Variants in NPC1 observed in about 807,000 individuals in gnomAD.
The protein encoded by NPC1 is Niemann-Pick C1 protein.
A neutral mutation model predicts 140.4 loss-of-function variants in NPC1; 85 were observed. The ratio of observed to expected loss-of-function variants is 0.61; its 90% CI spans 0.51 to 0.72. NPC1 has a LOEUF of 0.72. Ranked by LOEUF, NPC1 falls within the 30% of genes least tolerant of loss-of-function variation. NPC1 has a pLI of 0.00. For synonymous variants in NPC1, 656 were observed against 624.8 expected (o/e 1.05, Z -0.74); for missense variants, 1,504 against 1,623.8 (o/e 0.93, Z 1.27).
chr18:23,526,913 A>G (rs902370385), downstream of NPC1: 2 of 1,046,568 alleles, frequency 1.9e-6, no homozygotes, highest in Non-Finnish European at 2.7e-6. Context: ...GTGACCCCCT[A>G]GGAAAGGCTG....
At chr18:23,576,210 G>A (rs1239093521) in intron 1 of NPC1, among the ~76,000 whole-genome samples, 3 of 151,888 alleles carry the variant, frequency 2.0e-5, no homozygotes, top group Admixed American at 6.6e-5. Context: ...GGCAACAAGA[G>A]CTAAACTGTC....
chr18:23,552,720 C>G (rs1019599260), intron 9 of NPC1, among the ~76,000 whole-genome samples: 2 of 152,220 alleles, frequency 1.3e-5, no homozygotes, highest in African/African-American at 4.8e-5. Context: ...TGAGAAGCTT[C>G]TGCATATGAC....
rs202046984 is a variant in NPC1, at chr18:23,541,320, T to C, written c.2359A>G (p.Ile787Val). The change falls in exon 15 of 25, where the codon ATT becomes GTT. Residue 787 changes from isoleucine (I) to valine (V), a missense_variant. Physicochemically the swap from Ile to Val is conservative, Grantham distance 29. Coordinates refer to ENST00000269228, the MANE Select transcript of NPC1 (RefSeq NM_000271.5). Reference sequence around the variant, plus strand: ...CACCAACTTACCTCTTGACGTTTAATGTCTAACCCCAAGAGACTCACGAAA... The same window carrying C: ...CACCAACTTACCTCTTGACGTTTAACGTCTAACCCCAAGAGACTCACGAAA... ...TCFVSLLGLD[I>V]KRQEKNRLDI... The C allele has an allele frequency of 5.7e-5, 92 of 1,614,128 alleles. 1 individual carries two copies. The highest frequency in any genetic ancestry group is 1.6e-4 in the Middle Eastern group (1 of 6,084).
At chr18:23,540,658 G>T in intron 16 of NPC1, 121 bp from the exon 17 acceptor site, 1 of 771,608 alleles carries the variant, frequency 1.3e-6, no homozygotes, top group African/African-American at 1.7e-5. Flanking sequence ...TTAAATGACA[G>T]GCTAATAGGG....
downstream of NPC1, chr18:23,530,551 A>G: frequency 1.2e-6 from 2 of 1,614,222 alleles, no homozygotes; most frequent in Non-Finnish European, 1.7e-6. Flanking sequence ...TTTTCTATAC[A>G]ATATTCCGCT....
chr18:23,555,522 C>T (rs1448687644), intron 8 of NPC1, among the ~76,000 whole-genome samples: 1 of 152,188 alleles, frequency 6.6e-6, no homozygotes, highest in African/African-American at 2.4e-5. Context: ...AGTCTTGGGA[C>T]CATTTTAATG....
downstream of NPC1, among the ~76,000 whole-genome samples, chr18:23,519,416 GC>G: frequency 1.3e-5 from 2 of 152,238 alleles, no homozygotes; most frequent in Admixed American, 1.3e-4. Flanking sequence ...TACTTGTGGG[GC>G]TAAGGCTGGA....
intron 22 of NPC1, 118 bp from the exon 23 acceptor site, chr18:23,534,677 A>G: frequency 2.6e-6 from 2 of 782,764 alleles, no homozygotes; most frequent in Non-Finnish European, 4.4e-6. Flanking sequence ...GAGGAGGCCA[A>G]GCATCCCATT....
At position 23,556,550 on chromosome 18, in the gene NPC1, G is replaced by C; in HGVS notation, c.1019C>G (p.Thr340Arg). ...AFEGCLRRLF[T>R]RWGSFCVRNP... The stretch of plus-strand genomic sequence containing the variant: ...TCGGACGCAGAAAGACCCCCAGCGT[G>C]TGAACAGCCGCCTCAAGCAGCCCTC... The change falls in exon 8 of 25, where the codon ACA becomes AGA. Residue 340 changes from threonine to arginine, a missense_variant. By Grantham distance (71) the Thr-to-Arg change is moderately conservative. Transcript: ENST00000269228. 1 of 1,614,160 alleles carries C rather than the reference G, an allele frequency of 6.2e-7. No individual in the cohort carries two copies. The highest frequency in any genetic ancestry group is 8.5e-7 in the Non-Finnish European group (1 of 1,180,030).
At chr18:23,526,749 G>A (rs749785444), downstream of NPC1, 2 of 1,614,046 alleles carry the variant, frequency 1.2e-6, no homozygotes, top group Admixed American at 1.7e-5. Flanking sequence ...TGGTCATCCT[G>A]TCTGTCTGTT....
chr18:23,535,439 G>T, intron 22 of NPC1, 30 bp downstream of exon 22: 2 of 1,489,080 alleles, frequency 1.3e-6, no homozygotes, highest in South Asian at 1.2e-5. Context: ...ACAGGAGCTA[G>T]GGACAAACTG....
chr18:23,526,330 G>T (rs1350146901), downstream of NPC1, among the ~76,000 whole-genome samples: 10 of 152,212 alleles, frequency 6.6e-5, no homozygotes, highest in Non-Finnish European at 1.5e-5. Context: ...GTCTAGGGAA[G>T]TCCCCGTTTG....
rs1170655145 is a variant in NPC1 at position 23,554,781 on chromosome 18, G to C, written c.1530C>G (p.His510Gln). The change falls in exon 9 of 25, where the codon CAC (histidine) becomes CAG (glutamine). Residue 510 changes from histidine (H) to glutamine (Q), a missense_variant. Physicochemically the swap from His to Gln is conservative, Grantham distance 24 (BLOSUM62 0). Transcript: ENST00000269228. Reference sequence around the variant, plus strand: ...ACCGTACGCAGTACAGAAAGTGCGTGTGGTAATCGGCATACACAAAGAAGT... The same window carrying C: ...ACCGTACGCAGTACAGAAAGTGCGTCTGGTAATCGGCATACACAAAGAAGT... ...GDDFFVYADYHTHFLYCVRAP... is the reference protein window; with the variant it reads ...GDDFFVYADYQTHFLYCVRAP... 1 of 1,613,816 alleles carries C rather than the reference G, an allele frequency of 6.2e-7. No homozygotes were observed. Among genetic ancestry groups the C allele is most frequent in the Admixed American group, 1.7e-5 (1 of 60,026 alleles).
rs752620522 is a variant in NPC1 at position 23,545,084 on chromosome 18, C to T, written c.1823G>A (p.Ser608Asn). 2.5e-6 allele frequency: 4 copies of T among 1,613,088 alleles called. No homozygotes were observed. In the African/African-American group the frequency reaches 4.0e-5, roughly 16 times the overall value. ...TTCACGATTTAGTTCATCTTCAATA[C>T]TTCGTTCAGCAGTGAAGGAAATGGT... ...NLTISFTAERSIEDELNRESD... is the reference protein window; with the variant it reads ...NLTISFTAERNIEDELNRESD... Residue 608 changes from serine (S) to asparagine (N), a missense_variant, in exon 12 of 25, where the codon AGT becomes AAT. Transcript: ENST00000269228.
chr18:23,527,635 G>A (rs997677288), downstream of NPC1, among the ~76,000 whole-genome samples: 7 of 146,760 alleles, frequency 4.8e-5, no homozygotes, highest in Non-Finnish European at 5.9e-5. Flanking sequence ...AAGGGGTTGC[G>A]AATGACATCT....
intron 4 of NPC1, among the ~76,000 whole-genome samples, chr18:23,564,651 GAA>G (rs1260704157): frequency 6.6e-6 from 1 of 152,156 alleles, no homozygotes. Flanking sequence ...GGCGTCCTCT[GAA>G]ATACAAACTT....
chr18:23,521,640 C>T (rs1428284969), downstream of NPC1, among the ~76,000 whole-genome samples: 1 of 151,434 alleles, frequency 6.6e-6, no homozygotes, highest in Non-Finnish European at 1.5e-5. Flanking sequence ...TGCCTTTTTC[C>T]AGTGTAATTG....
rs762407606 is a variant in NPC1, at chr18:23,538,684, T to C, written c.2912-13A>G. ...GCAGGGTCAACCACTGGCGGAGACA[T>C]GCAGGGAGGACTGTTAGAAGAATAG... On this transcript the variant is annotated splice_polypyrimidine_tract_variant and intron_variant, in intron 19 of 24. Coordinates refer to ENST00000269228, the MANE Select transcript of NPC1 (RefSeq NM_000271.5). The C allele has an allele frequency of 1.6e-5, 26 of 1,613,700 alleles. No homozygotes were observed. Among genetic ancestry groups the C allele is most frequent in the Middle Eastern group, 1.6e-4 (1 of 6,082 alleles).
chr18:23,519,439 G>T (rs1598879856), downstream of NPC1, among the ~76,000 whole-genome samples: 1 of 151,962 alleles, frequency 6.6e-6, no homozygotes, highest in Non-Finnish European at 1.5e-5. Flanking sequence ...GATGGCTTGA[G>T]CCCAGGAGGT....
Sources: gnomAD v4.1 joint callset for allele counts (sites outside exome capture counted in the v4.1 genomes callset) on GRCh38, gnomAD v4.1.1 for gene constraint, MANE v1.5 for transcripts, NCBI Gene and HGNC (gene_info 2026-07-23, HGNC 2026-07-21) for gene names.